The following MACROD1 variants were observed in gnomAD, a reference collection of about 807,000 sequenced individuals.
MACROD1 encodes mono-ADP ribosylhydrolase 1, also known as ADP-ribose glycohydrolase MACROD1.
Under a neutral mutation model 41.4 loss-of-function variants are expected in MACROD1, and 31 were observed. The ratio of observed to expected loss-of-function variants is 0.75; its 90% CI spans 0.56 to 1.01. The LOEUF (loss-of-function observed/expected upper bound fraction) is 1.01, where lower values mean the gene tolerates loss of function less well. Ranked by LOEUF, MACROD1 falls within the 50% of genes least tolerant of loss-of-function variation. MACROD1 has a pLI of 0.00. For missense variants in MACROD1, 473 were observed against 460.0 expected, an observed-to-expected ratio of 1.03 and a Z score of -0.26; for synonymous variants, 252 against 203.4, an observed-to-expected ratio of 1.24 and a Z score of -2.03.
At chr11:64,052,542 A>C (rs566871079) in intron 3 of MACROD1, among the ~76,000 whole-genome samples, 75 of 152,300 alleles carry the variant, frequency 4.9e-4, no homozygotes, top group African/African-American at 1.7e-3. Flanking sequence ...GGTCAGGAGC[A>C]GGACAGTATC....
At chr11:64,151,417 A>C in intron 2 of MACROD1, 62 bp from the exon 3 acceptor site, 1 of 1,283,518 alleles carries the variant, frequency 7.8e-7, no homozygotes, top group Admixed American at 1.7e-5. Context: ...GGACCCAGCC[A>C]GGGCCCAGGG....
At chr11:64,125,692 T>A (rs1945167470) in intron 3 of MACROD1, among the ~76,000 whole-genome samples, 1 of 152,240 alleles carries the variant, frequency 6.6e-6, no homozygotes, top group African/African-American at 2.4e-5. Flanking sequence ...GTAGCCACTC[T>A]GAGAGATCCG....
chr11:64,034,631 G>C (rs1324439012), intron 3 of MACROD1, among the ~76,000 whole-genome samples: 1 of 152,212 alleles, frequency 6.6e-6, no homozygotes, highest in Non-Finnish European at 1.5e-5. Flanking sequence ...GGAAAGGAGG[G>C]GGAGAGGTGC....
chr11:64,118,322 G>C, intron 3 of MACROD1: 1 of 1,526,260 alleles, frequency 6.6e-7, no homozygotes, highest in South Asian at 1.3e-5. Flanking sequence ...CCCCGCCTCA[G>C]CCCCAGCTGC....
chr11:64,095,256 A>G (rs527540158), intron 3 of MACROD1, among the ~76,000 whole-genome samples: 1 of 152,268 alleles, frequency 6.6e-6, no homozygotes, highest in South Asian at 2.1e-4. Context: ...TCTCAGGCGC[A>G]CTTTAAGTTC....
intron 3 of MACROD1, among the ~76,000 whole-genome samples, chr11:64,145,632 G>C (rs1156259482): frequency 6.6e-6 from 1 of 152,228 alleles, no homozygotes; most frequent in East Asian, 1.9e-4. Context: ...CATGCTCACT[G>C]CTCTGGGCTG....
At chr11:64,133,869 C>A (rs951539280) in intron 3 of MACROD1, among the ~76,000 whole-genome samples, 2 of 152,184 alleles carry the variant, frequency 1.3e-5, no homozygotes, top group Non-Finnish European at 2.9e-5. Flanking sequence ...TACATGGGAG[C>A]GACAGCAAAC....
At chr11:64,116,882 G>A (rs753266688) in intron 3 of MACROD1, 1 of 1,611,766 alleles carries the variant, frequency 6.2e-7, no homozygotes, top group South Asian at 1.1e-5. Flanking sequence ...AGCTGCGGCT[G>A]GATGACAACC....
At chr11:64,000,571 G>A (rs320154) in intron 4 of MACROD1, among the ~76,000 whole-genome samples, 3,647 of 151,844 alleles carry the variant, frequency 0.024, 137 homozygotes, top group African/African-American at 0.081. Context: ...GGGAAGTCGC[G>A]CAAGGAGGCC....
At chr11:64,158,218 G>A (rs892388364) in intron 1 of MACROD1, among the ~76,000 whole-genome samples, 1 of 152,092 alleles carries the variant, frequency 6.6e-6, no homozygotes, top group African/African-American at 2.4e-5. Context: ...ACCAAGGAGA[G>A]GATGGCTTAG....
At chr11:64,005,861 G>A (rs552969838) in intron 4 of MACROD1, among the ~76,000 whole-genome samples, 2 of 152,338 alleles carry the variant, frequency 1.3e-5, no homozygotes, top group South Asian at 4.1e-4. Context: ...GTGTGAGCTG[G>A]GGTTTGAGGG....
chr11:64,048,623 C>T (rs914861925), intron 3 of MACROD1, among the ~76,000 whole-genome samples: 1 of 152,206 alleles, frequency 6.6e-6, no homozygotes, highest in Admixed American at 6.5e-5. Flanking sequence ...TCTTACTGTT[C>T]CTGCCGCTAA....
intron 3 of MACROD1, among the ~76,000 whole-genome samples, chr11:64,057,250 G>C (rs1943803814): frequency 6.6e-6 from 1 of 152,252 alleles, no homozygotes; most frequent in Non-Finnish European, 1.5e-5. Context: ...TAGGGGACGG[G>C]ACAGCCCATT....
At chr11:64,050,647 TCA>T (rs1943675635) in intron 3 of MACROD1, among the ~76,000 whole-genome samples, 2 of 152,200 alleles carry the variant, frequency 1.3e-5, no homozygotes, top group Admixed American at 1.3e-4. Flanking sequence ...CAGCTGACTT[TCA>T]CTCTTGTCGC....
intron 3 of MACROD1, among the ~76,000 whole-genome samples, chr11:64,071,974 G>C (rs1944115815): frequency 6.6e-6 from 1 of 152,218 alleles, no homozygotes; most frequent in South Asian, 2.1e-4. Flanking sequence ...CTGCCGAGGG[G>C]AACGGGCTGG....
intron 3 of MACROD1, among the ~76,000 whole-genome samples, chr11:64,024,526 G>C (rs1943200259): frequency 1.3e-5 from 2 of 152,080 alleles, no homozygotes; most frequent in Non-Finnish European, 2.9e-5. Context: ...AGGACCCCCA[G>C]CTGCTGCCTG....
chr11:64,160,841 G>T (rs894783786), intron 1 of MACROD1, among the ~76,000 whole-genome samples: 1 of 147,194 alleles, frequency 6.8e-6, no homozygotes, highest in Non-Finnish European at 1.5e-5. Flanking sequence ...AAAATGTTCA[G>T]CACAGTTTTA....
At chr11:64,107,478 T>C (rs1429495289) in intron 3 of MACROD1, among the ~76,000 whole-genome samples, 1 of 152,246 alleles carries the variant, frequency 6.6e-6, no homozygotes, top group African/African-American at 2.4e-5. Context: ...TCCCGCCGCC[T>C]GGCACCAGCG....
rs552986070 is a variant in MACROD1, at chr11:64,125,283, G to A, written c.517+25956C>T. Reference sequence around the variant, plus strand: ...CCCCCCTGCCTCCCCACACCTGAAAGCCCAAAGCCTAAGACCAGAGAGTCC... The same window carrying A: ...CCCCCCTGCCTCCCCACACCTGAAAACCCAAAGCCTAAGACCAGAGAGTCC... On this transcript the variant is annotated intron_variant, in intron 3 of 10. Transcript: ENST00000255681. 3.3e-5 allele frequency among the ~76,000 whole-genome samples: 5 copies of A among 152,192 alleles called. No individual in the cohort carries two copies. The East Asian group carries it at 9.7e-4, about 29-fold the overall frequency.
Sources: allele counts gnomAD v4.1 joint callset (sites outside exome capture counted in the v4.1 genomes callset), GRCh38; gene constraint gnomAD v4.1.1; transcripts MANE v1.5; gene names NCBI Gene and HGNC (gene_info 2026-07-23, HGNC 2026-07-21).